Variants in GLI2 observed in about 807,000 individuals in gnomAD.
The protein encoded by GLI2 is GLI family zinc finger 2, also known as transcription activator GLI2.
A neutral mutation model predicts 78.9 loss-of-function variants in GLI2; 22 were observed. The observed-to-expected ratio is 0.28, with a 90% CI of 0.20 to 0.40. The LOEUF is 0.40. GLI2 is among the 10% of genes least tolerant of loss of function. GLI2 has a pLI of 1.00. For synonymous variants in GLI2, 974 were observed against 963.7 expected, an observed-to-expected ratio of 1.01 and a Z score of -0.20; for missense variants, 2,097 against 2,213.2, an observed-to-expected ratio of 0.95 and a Z score of 1.05.
chr2:120,937,851 T>A (rs1680269664), intron 3 of GLI2, among the ~76,000 whole-genome samples: 1 of 152,174 alleles, frequency 6.6e-6, no homozygotes, highest in Non-Finnish European at 1.5e-5. Context: ...GGGCCAGAGT[T>A]TAAGAATCTC....
intron 10 of GLI2, 69 bp downstream of exon 10, chr2:120,978,652 T>C (rs977477405): frequency 2.8e-5 from 44 of 1,544,766 alleles, no homozygotes; most frequent in Middle Eastern, 2.1e-4. Flanking sequence ...GGGGGGATCA[T>C]GTTTGGAGGT....
chr2:120,871,681 A>G (rs1018962902), intron 2 of GLI2, among the ~76,000 whole-genome samples: 1 of 152,230 alleles, frequency 6.6e-6, no homozygotes, highest in African/African-American at 2.4e-5. Flanking sequence ...ATTATGACAC[A>G]TGATTTTCCA....
chr2:120,935,292 C>T (rs1428864000), intron 3 of GLI2, among the ~76,000 whole-genome samples: 3 of 152,314 alleles, frequency 2.0e-5, no homozygotes, highest in South Asian at 4.1e-4. Context: ...TCCTTAAAAC[C>T]GGCTGTTGCT....
intron 5 of GLI2, among the ~76,000 whole-genome samples, chr2:120,967,902 G>A (rs1395129660): frequency 6.6e-6 from 1 of 152,222 alleles, no homozygotes; most frequent in Non-Finnish European, 1.5e-5. Flanking sequence ...CTGCCCAGTA[G>A]GCTCTGGAGA....
chr2:120,894,873 AT>A (rs979180760), intron 2 of GLI2, among the ~76,000 whole-genome samples: 1 of 152,004 alleles, frequency 6.6e-6, no homozygotes, highest in African/African-American at 2.4e-5. Context: ...TAATTTTTGT[AT>A]TTTTAGTAAA....
At chr2:120,965,461 G>C (rs1284567544) in intron 5 of GLI2, among the ~76,000 whole-genome samples, 1 of 150,984 alleles carries the variant, frequency 6.6e-6, no homozygotes, top group East Asian at 2.0e-4. Flanking sequence ...TGCAGCAGAG[G>C]GGCACACTCC....
intron 2 of GLI2, among the ~76,000 whole-genome samples, chr2:120,908,674 C>T (rs1472826199): frequency 6.6e-6 from 1 of 152,182 alleles, no homozygotes; most frequent in Non-Finnish European, 1.5e-5. Flanking sequence ...CCCCTCCCAC[C>T]GATGGGCCAC....
In GLI2 at chr2:120,857,864, G is replaced by C. The variant is rs148061011; in HGVS notation, c.148+60396G>C. ...TTGTAAACCCTCCTTCCCATTTTCT[G>C]ATACTCTGCTTGTTTCTCCTCGTGG... On this transcript the variant is annotated intron_variant, in intron 2 of 13. Transcript: ENST00000361492. Among the ~76,000 whole-genome samples, 8 of 139,298 alleles carry C rather than the reference G, an allele frequency of 5.7e-5. No homozygotes were observed. In the East Asian group the frequency reaches 1.7e-3, roughly 30 times the overall value. The allele number at this position is 139,298 out of a possible 152,430, so 91.4% of individuals were successfully genotyped here. A position where few individuals can be genotyped will look rare whatever the true frequency, so the allele number is the denominator to read the frequency against.
At chr2:120,790,902 T>C (rs1165601458) in intron 1 of GLI2, among the ~76,000 whole-genome samples, 1 of 152,070 alleles carries the variant, frequency 6.6e-6, no homozygotes, top group Non-Finnish European at 1.5e-5. Context: ...TGATCTTTTC[T>C]TGGAGAAGAA....
chr2:120,936,128 T>C (rs1020435437), intron 3 of GLI2, among the ~76,000 whole-genome samples: 1 of 152,146 alleles, frequency 6.6e-6, no homozygotes, highest in African/African-American at 2.4e-5. Flanking sequence ...AGAACAGGGT[T>C]GAGGCCGGGG....
intron 2 of GLI2, among the ~76,000 whole-genome samples, chr2:120,910,301 G>T (rs767560230): frequency 1.3e-5 from 2 of 152,132 alleles, no homozygotes; most frequent in African/African-American, 2.4e-5. Context: ...GGTCTGTCAG[G>T]GCTTCTTGCC....
intron 2 of GLI2, among the ~76,000 whole-genome samples, chr2:120,911,561 G>GTTA (rs1678819712): frequency 6.6e-6 from 1 of 152,178 alleles, no homozygotes; most frequent in African/African-American, 2.4e-5. Context: ...GGCCACCCTT[G>GTTA]TTATCCTCGG....
chr2:120,951,007 G>A (rs1365188954), intron 3 of GLI2, among the ~76,000 whole-genome samples: 2 of 152,222 alleles, frequency 1.3e-5, no homozygotes, highest in Admixed American at 6.5e-5. Flanking sequence ...CGTGGAACTG[G>A]CCGGCGGGTG....
intron 1 of GLI2, among the ~76,000 whole-genome samples, chr2:120,795,535 G>GAA (rs34682755): frequency 7.0e-6 from 1 of 142,744 alleles, no homozygotes; most frequent in South Asian, 2.3e-4. Context: ...ATAAAAAAAT[G>GAA]AAAAAAAAAA....
At chr2:120,982,920 C>T (rs753895640) in intron 11 of GLI2, 40 bp downstream of exon 11, 1 of 1,594,136 alleles carries the variant, frequency 6.3e-7, no homozygotes, top group Non-Finnish European at 8.6e-7. Context: ...CACACTGGGG[C>T]CCCACTGACG....
At chr2:120,884,091 G>A (rs897528688) in intron 2 of GLI2, among the ~76,000 whole-genome samples, 3 of 152,188 alleles carry the variant, frequency 2.0e-5, no homozygotes, top group African/African-American at 7.2e-5. Context: ...GCAGCTCAGT[G>A]CTGGGCTCAC....
At chr2:120,808,208 C>G (rs1460858904) in intron 2 of GLI2, among the ~76,000 whole-genome samples, 1 of 152,162 alleles carries the variant, frequency 6.6e-6, no homozygotes, top group Non-Finnish European at 1.5e-5. Context: ...CCCTGCAATT[C>G]TAGAAATGGA....
rs182645212 is a variant in GLI2 at position 120,902,837 on chromosome 2, G to A, written c.149-24524G>A. On this transcript the variant is annotated intron_variant, in intron 2 of 13. Coordinates refer to ENST00000361492, the MANE Select transcript of GLI2 (RefSeq NM_001374353.1). ...AAATGCTTAATTAGTCCCCAAGCCT[G>A]GGCTTCTTTAGGCTCCCAAGGAGAA... Among the ~76,000 whole-genome samples the A allele has an allele frequency of 3.6e-3, 552 of 152,302 alleles. 5 individuals are homozygous for A. The highest frequency in any genetic ancestry group is 6.0e-3 in the Non-Finnish European group (407 of 68,032).
At chr2:120,809,100 A>G (rs1345164374) in intron 2 of GLI2, among the ~76,000 whole-genome samples, 5 of 152,224 alleles carry the variant, frequency 3.3e-5, no homozygotes, top group Non-Finnish European at 5.9e-5. Context: ...GATAGTCCCA[A>G]AATGGAAATG....
Sources: gnomAD v4.1 joint callset for allele counts (sites outside exome capture counted in the v4.1 genomes callset) on GRCh38, gnomAD v4.1.1 for gene constraint, MANE v1.5 for transcripts, NCBI Gene and HGNC (gene_info 2026-07-23, HGNC 2026-07-21) for gene names.